Variants in THSD7B observed in about 807,000 individuals in gnomAD.
THSD7B encodes thrombospondin type-1 domain-containing protein 7B.
A neutral mutation model predicts 213.6 loss-of-function variants in THSD7B; 138 were observed. The ratio of observed to expected loss-of-function variants is 0.65; its 90% CI spans 0.56 to 0.74. The LOEUF (loss-of-function observed/expected upper bound fraction) is 0.74, where lower values mean the gene tolerates loss of function less well. THSD7B is among the 30% of genes least tolerant of loss of function. The probability of loss-of-function intolerance (pLI) is 0.00; values close to 1 mark genes in which losing one functional copy is unlikely to be tolerated. For missense variants in THSD7B, 1,931 were observed against 1,991.5 expected (o/e 0.97, Z 0.58); for synonymous variants, 742 against 687.0 (o/e 1.08, Z -1.25).
chr2:136,803,402 A>G (rs557939330), intron 1 of THSD7B, among the ~76,000 whole-genome samples: 1 of 152,276 alleles, frequency 6.6e-6, no homozygotes, highest in Admixed American at 6.5e-5. Flanking sequence ...GAAAGAGGGA[A>G]CATGTCAAAT....
At chr2:137,001,095 G>T (rs1271323208) in intron 2 of THSD7B, among the ~76,000 whole-genome samples, 4 of 151,994 alleles carry the variant, frequency 2.6e-5, no homozygotes, top group African/African-American at 9.7e-5. Context: ...TAACTTTTAT[G>T]CACTGCAGTT....
intron 7 of THSD7B, among the ~76,000 whole-genome samples, chr2:137,227,465 A>C (rs1681534979): frequency 6.6e-6 from 1 of 152,170 alleles, no homozygotes; most frequent in Admixed American, 6.5e-5. Context: ...TGTGAAAATC[A>C]CTTTTAATGG....
chr2:137,129,218 C>T (rs985434349), intron 5 of THSD7B, among the ~76,000 whole-genome samples: 1 of 152,108 alleles, frequency 6.6e-6, no homozygotes, highest in Admixed American at 6.6e-5. Context: ...ATATACCAGG[C>T]ATCAATCAGT....
chr2:137,356,967 GACACACACACACACACACAC>G (rs3048465), intron 12 of THSD7B, among the ~76,000 whole-genome samples: 1 of 140,870 alleles, frequency 7.1e-6, no homozygotes, highest in Admixed American at 7.1e-5. Flanking sequence ...CACACACACA[GACACACACACACACACACAC>G]ACACACACAC....
At chr2:137,162,514 C>A (rs1192660716) in intron 6 of THSD7B, among the ~76,000 whole-genome samples, 2 of 151,042 alleles carry the variant, frequency 1.3e-5, no homozygotes, top group Non-Finnish European at 3.0e-5. Flanking sequence ...AATGTGACTC[C>A]CTCAGAAAAA....
In THSD7B at chr2:136,935,554, TG is replaced by T. The variant is rs569073606; in HGVS notation, c.139+53240del. Among the ~76,000 whole-genome samples, 88 of 152,210 alleles carry T rather than the reference TG, an allele frequency of 5.8e-4. 1 individual carries two copies. The Middle Eastern group carries it at 0.01, about 18-fold the overall frequency. ...TTAAGCCATTGATGTATCAACACAA[TG>T]GGTGAGTTTAGGGGCAGATATTTTT... On this transcript the variant is annotated intron_variant, in intron 2 of 27. Coordinates refer to ENST00000409968, the MANE Select transcript of THSD7B (RefSeq NM_001316349.2).
chr2:137,098,016 G>T (rs1441330102), intron 4 of THSD7B, among the ~76,000 whole-genome samples: 1 of 152,174 alleles, frequency 6.6e-6, no homozygotes, highest in Non-Finnish European at 1.5e-5. Context: ...GGAAAGCATA[G>T]AGGCTATGTA....
chr2:137,093,054 A>G (rs1461867347), intron 3 of THSD7B, among the ~76,000 whole-genome samples: 1 of 152,196 alleles, frequency 6.6e-6, no homozygotes, highest in Non-Finnish European at 1.5e-5. Flanking sequence ...TTTTCCTCCC[A>G]AAGTATTGGT....
intron 7 of THSD7B, among the ~76,000 whole-genome samples, chr2:137,193,204 CAT>C (rs769252833): frequency 2.0e-5 from 3 of 152,018 alleles, no homozygotes; most frequent in Non-Finnish European, 4.4e-5. Context: ...GAATATCACA[CAT>C]GTGTGTATGT....
chr2:137,570,095 G>T (rs1466706455), intron 16 of THSD7B, among the ~76,000 whole-genome samples: 1 of 151,658 alleles, frequency 6.6e-6, no homozygotes, highest in Admixed American at 6.6e-5. Flanking sequence ...AGAAATTAAA[G>T]TCCATAGTTA....
chr2:137,081,870 A>G (rs1484983098), intron 3 of THSD7B, among the ~76,000 whole-genome samples: 2 of 152,056 alleles, frequency 1.3e-5, no homozygotes, highest in African/African-American at 4.8e-5. Flanking sequence ...GGTTTGATTT[A>G]TGGATGTTGT....
intron 2 of THSD7B, among the ~76,000 whole-genome samples, chr2:136,987,247 G>A (rs1685688015): frequency 6.6e-6 from 1 of 152,172 alleles, no homozygotes; most frequent in African/African-American, 2.4e-5. Flanking sequence ...AGCCAGGGTA[G>A]AGGACTGTGA....
chr2:137,211,043 T>A (rs1306826972), intron 7 of THSD7B, among the ~76,000 whole-genome samples: 3 of 152,014 alleles, frequency 2.0e-5, no homozygotes, highest in African/African-American at 7.2e-5. Context: ...TTATATTTTT[T>A]ACTTCCCTCC....
At chr2:136,864,312 G>T (rs1012482365) in intron 1 of THSD7B, among the ~76,000 whole-genome samples, 1 of 152,220 alleles carries the variant, frequency 6.6e-6, no homozygotes, top group African/African-American at 2.4e-5. Context: ...AAAAAAATCT[G>T]CAAAATTCAA....
intron 27 of THSD7B, among the ~76,000 whole-genome samples, chr2:137,672,788 A>G (rs1333448044): frequency 6.6e-6 from 1 of 152,222 alleles, no homozygotes; most frequent in African/African-American, 2.4e-5. Flanking sequence ...TGTCAAAAAA[A>G]TAGCCTTCTA....
intron 7 of THSD7B, among the ~76,000 whole-genome samples, chr2:137,190,868 G>A (rs1286702776): frequency 6.6e-6 from 1 of 152,198 alleles, no homozygotes; most frequent in Non-Finnish European, 1.5e-5. Context: ...GCTGCTCTAG[G>A]AGAAGGCTGC....
intron 17 of THSD7B, among the ~76,000 whole-genome samples, chr2:137,584,577 G>T (rs922901400): frequency 6.6e-6 from 1 of 152,102 alleles, no homozygotes; most frequent in Admixed American, 6.5e-5. Context: ...GGCCTTTTCT[G>T]CATCTATTGA....
At chr2:137,244,665 G>A (rs1296198275) in intron 10 of THSD7B, among the ~76,000 whole-genome samples, 5 of 152,082 alleles carry the variant, frequency 3.3e-5, no homozygotes, top group Admixed American at 3.3e-4. Context: ...AGTCTCTGTG[G>A]TCTCTCTTTG....
chr2:137,332,924 T>A (rs986066723), intron 12 of THSD7B, among the ~76,000 whole-genome samples: 1 of 152,174 alleles, frequency 6.6e-6, no homozygotes. Context: ...ATTACCCAGT[T>A]TGGGGCAGTT....
Sources: allele counts gnomAD v4.1 joint callset (sites outside exome capture counted in the v4.1 genomes callset), GRCh38; gene constraint gnomAD v4.1.1; transcripts MANE v1.5; gene names NCBI Gene and HGNC (gene_info 2026-07-23, HGNC 2026-07-21).